The following WNK2 variants were observed in gnomAD, a reference collection of about 807,000 sequenced individuals.
WNK2 encodes the protein WNK lysine deficient protein kinase 2, also known as serine/threonine-protein kinase WNK2.
Under a neutral mutation model 192.1 loss-of-function variants are expected in WNK2, and 67 were observed. That is an observed-to-expected ratio of 0.35 (90% CI 0.29 to 0.43). The LOEUF (loss-of-function observed/expected upper bound fraction) is 0.43. Ranked by LOEUF, WNK2 falls within the 20% of genes least tolerant of loss-of-function variation. WNK2 has a pLI of 1.00. For missense variants in WNK2, 2,698 were observed against 3,089.7 expected (o/e 0.87, Z 3.01); for synonymous variants, 1,439 against 1,393.9 (o/e 1.03, Z -0.72).
At chr9:93,287,032 T>C (rs942291911) in intron 19 of WNK2, among the ~76,000 whole-genome samples, 7 of 152,212 alleles carry the variant, frequency 4.6e-5, no homozygotes, top group Non-Finnish European at 7.3e-5. Context: ...GGAGTTACCA[T>C]TGAGGGCATA....
At chr9:93,203,020 G>A (rs1382892374) in intron 2 of WNK2, among the ~76,000 whole-genome samples, 1 of 151,780 alleles carries the variant, frequency 6.6e-6, no homozygotes, top group Non-Finnish European at 1.5e-5. Context: ...CTGTGTCCAA[G>A]TGGGTGGCAG....
chr9:93,205,748 C>G (rs1286066202), intron 2 of WNK2, among the ~76,000 whole-genome samples: 1 of 152,204 alleles, frequency 6.6e-6, no homozygotes, highest in Non-Finnish European at 1.5e-5. Flanking sequence ...CTTTGAGAAG[C>G]TTCTCTCTGG....
chr9:93,274,911 T>C (rs1442958634), intron 19 of WNK2, among the ~76,000 whole-genome samples: 2 of 152,286 alleles, frequency 1.3e-5, no homozygotes, highest in East Asian at 3.9e-4. Flanking sequence ...GAAAGAACAC[T>C]TCCCAAATCA....
In WNK2 at chr9:93,292,978, A is replaced by T. The variant is rs747113401; in HGVS notation, c.5513A>T (p.Lys1838Met). 6 of 1,546,946 alleles carry T rather than the reference A, an allele frequency of 3.9e-6. No homozygotes were observed. The African/African-American group carries it at 4.1e-5, about 11-fold the overall frequency. The change falls in exon 23 of 30, where the codon AAG becomes ATG. Residue 1838 changes from lysine (K) to methionine (M), a missense_variant. Lys to Met is a moderately conservative substitution (Grantham distance 95, BLOSUM62 -1). Coordinates refer to ENST00000427277, the MANE Select transcript of WNK2 (RefSeq NM_006648.4). The part of the protein sequence containing the change: ...VSGSVAGDFV[K>M]KATAFLQRPS... ...GGCAGCGTGGCTGGCGACTTCGTGA[A>T]GAAGGCCACCGCCTTCCTGCAGAGG...
intron 18 of WNK2, 71 bp from the exon 19 acceptor site, chr9:93,268,556 G>A (rs1845527133): frequency 6.4e-7 from 1 of 1,556,892 alleles, no homozygotes; most frequent in African/African-American, 1.4e-5. Context: ...GTCTGGTGCA[G>A]GTGATGGGGG....
intron 2 of WNK2, among the ~76,000 whole-genome samples, chr9:93,216,983 G>A (rs1490379816): frequency 1.3e-5 from 2 of 149,170 alleles, no homozygotes; most frequent in Admixed American, 6.7e-5. Context: ...TTTTTGAGAC[G>A]AAGTCTTGCT....
intron 2 of WNK2, among the ~76,000 whole-genome samples, chr9:93,207,929 G>T (rs546790217): frequency 2.0e-5 from 3 of 152,226 alleles, no homozygotes; most frequent in Admixed American, 6.5e-5. Flanking sequence ...ACTTTAGGGG[G>T]ACAGCTTCGT....
chr9:93,233,662 A>G (rs1431999322), intron 4 of WNK2, among the ~76,000 whole-genome samples: 1 of 138,356 alleles, frequency 7.2e-6, no homozygotes, highest in Non-Finnish European at 1.5e-5. Context: ...AGATTGCACC[A>G]TTGCACTCCA....
chr9:93,233,747 G>A (rs1370283319), intron 4 of WNK2, among the ~76,000 whole-genome samples: 2 of 149,876 alleles, frequency 1.3e-5, no homozygotes, highest in Non-Finnish European at 3.0e-5. Context: ...TTGAAATGAC[G>A]GGTAAACAAA....
At chr9:93,286,878 C>T (rs1298203770) in intron 19 of WNK2, among the ~76,000 whole-genome samples, 1 of 152,170 alleles carries the variant, frequency 6.6e-6, no homozygotes, top group East Asian at 1.9e-4. Context: ...ACCTACAGGA[C>T]ATTATGCTAT....
At chr9:93,279,898 A>C (rs1280121084) in intron 19 of WNK2, among the ~76,000 whole-genome samples, 1 of 152,212 alleles carries the variant, frequency 6.6e-6, no homozygotes, top group Non-Finnish European at 1.5e-5. Flanking sequence ...ATATACAAAA[A>C]TCCACTCAAA....
At chr9:93,262,448 C>T (rs1268206877) in intron 13 of WNK2, among the ~76,000 whole-genome samples, 2 of 152,230 alleles carry the variant, frequency 1.3e-5, no homozygotes, top group Non-Finnish European at 2.9e-5. Flanking sequence ...TTTATGAATA[C>T]ACTCGGGTCC....
intron 2 of WNK2, among the ~76,000 whole-genome samples, chr9:93,226,375 A>C (rs551036498): frequency 4.8e-4 from 73 of 152,314 alleles, no homozygotes; most frequent in African/African-American, 1.7e-3. Flanking sequence ...ACTTCCAGGC[A>C]GTTCTTCCAT....
Position 93,289,736 on chromosome 9 carries a change from G to A in WNK2, c.4866+116G>A, listed in dbSNP as rs748318107. 5.1e-5 allele frequency: 58 copies of A among 1,127,822 alleles called. 1 individual carries two copies. Among genetic ancestry groups the A allele is most frequent in the South Asian group, 4.0e-4 (24 of 60,590 alleles). 69.9% of individuals were successfully genotyped at this position (1,127,822 alleles called of 1,614,324 possible). ...GCAGAGCCGCCCTCACTCAGGGCCC[G>A]TCCCTCTCTTGGTGACCCACCCACG... On this transcript the variant is annotated intron_variant, in intron 20 of 29. Coordinates refer to ENST00000427277, the MANE Select transcript of WNK2 (RefSeq NM_006648.4).
In WNK2 at chr9:93,306,707, G is replaced by A. The variant is rs1852620035; in HGVS notation, c.6215-70G>A. On this transcript the variant is annotated intron_variant, in intron 26 of 29. Transcript: ENST00000427277. ...CACACTGACGACTTTTGCTTAGTGT[G>A]GTAGCGTGTCCCAGTGTGTGCTGTT... 10 of 1,588,520 alleles carry A rather than the reference G, an allele frequency of 6.3e-6. No individual in the cohort carries two copies. The Admixed American group carries it at 1.0e-4, about 16-fold the overall frequency.
chr9:93,293,810 C>T (rs1386612016), intron 23 of WNK2, among the ~76,000 whole-genome samples: 1 of 151,866 alleles, frequency 6.6e-6, no homozygotes, highest in Non-Finnish European at 1.5e-5. Flanking sequence ...CTGTCTCCTT[C>T]CCTCTTTCTT....
intron 2 of WNK2, among the ~76,000 whole-genome samples, chr9:93,200,033 A>G (rs1007554910): frequency 4.6e-5 from 7 of 152,130 alleles, no homozygotes; most frequent in African/African-American, 1.7e-4. Context: ...GTGGCAGGCC[A>G]TGCTGAGCAG....
rs373927225 is a variant in WNK2, at chr9:93,320,421, G to A, written c.*29G>A. ...CGCCTAGACGCCAGGCCCACTTCAC[G>A]CCGTCTAAGTGGAGAAGTGACGGAC... On this transcript the variant is annotated 3_prime_UTR_variant, in exon 30 of 30. Coordinates refer to ENST00000427277, the MANE Select transcript of WNK2 (RefSeq NM_006648.4). 7.2e-5 allele frequency: 99 copies of A among 1,367,608 alleles called. No individual in the cohort carries two copies. Among genetic ancestry groups the A allele is most frequent in the Middle Eastern group, 2.1e-4 (1 of 4,768 alleles). The allele number at this position is 1,367,608 out of a possible 1,614,324, so 84.7% of individuals were successfully genotyped here. A position where few individuals can be genotyped will look rare whatever the true frequency, so the allele number is the denominator to read the frequency against.
chr9:93,299,890 C>T (rs1376970340), intron 25 of WNK2, among the ~76,000 whole-genome samples, 161 bp from the exon 26 acceptor site: 1 of 142,468 alleles, frequency 7.0e-6, no homozygotes, highest in Non-Finnish European at 1.5e-5. Flanking sequence ...CTGCCTCCTT[C>T]CCATTACATG....
Sources: gnomAD v4.1 joint callset for allele counts (sites outside exome capture counted in the v4.1 genomes callset) on GRCh38, gnomAD v4.1.1 for gene constraint, MANE v1.5 for transcripts, NCBI Gene and HGNC (gene_info 2026-07-23, HGNC 2026-07-21) for gene names.